Variants in GLP2R observed in about 807,000 individuals in gnomAD.
GLP2R encodes glucagon like peptide 2 receptor, also known as glucagon-like peptide 2 receptor.
Under a neutral mutation model 68.2 loss-of-function variants are expected in GLP2R, and 59 were observed. The observed-to-expected ratio is 0.87, with a 90% CI of 0.70 to 1.07. The LOEUF is 1.07. Among genes scored for constraint, GLP2R ranks in the 50% least tolerant of loss-of-function variants. GLP2R has a pLI of 0.00. For synonymous variants in GLP2R, 270 were observed against 265.4 expected (o/e 1.02, Z -0.17); for missense variants, 548 against 677.4 (o/e 0.81, Z 2.12).
intron 11 of GLP2R, among the ~76,000 whole-genome samples, chr17:9,885,963 G>A (rs1452618744): frequency 1.3e-5 from 2 of 152,104 alleles, no homozygotes; most frequent in African/African-American, 4.8e-5. Context: ...GACTCTGCAG[G>A]GTGTTTTGTA....
chr17:9,850,668 C>G (rs2066882676), intron 4 of GLP2R, among the ~76,000 whole-genome samples: 1 of 150,162 alleles, frequency 6.7e-6, no homozygotes, highest in Admixed American at 6.7e-5. Flanking sequence ...TAAGTGCTCC[C>G]TTACCCTACC....
At position 9,880,479 on chromosome 17, in the gene GLP2R, T is replaced by C. The variant is rs768609882; in HGVS notation, c.1247T>C (p.Ile416Thr). The C allele has an allele frequency of 2.5e-6, 4 of 1,606,326 alleles. No homozygotes were observed. The East Asian group carries it at 6.7e-5, about 27-fold the overall frequency. Residue 416 changes from isoleucine to threonine, a missense_variant, in exon 11 of 13, where the codon ATA becomes ACA. By Grantham distance (89) the Ile-to-Thr change is moderately conservative. Transcript: ENST00000262441. ...CAAGTTGAAGGATTTGCAAAACTTA[T>C]ACGACTTTTCATTCAGTTGACACTG... ...DDQVEGFAKL[I>T]RLFIQLTLSS...
rs61730821 is a variant in GLP2R, at chr17:9,857,575, A to C, written c.764A>C (p.Glu255Ala). The C allele has an allele frequency of 1.6e-3, 2,523 of 1,614,058 alleles. 42 individuals are homozygous for C. In the African/African-American group the frequency reaches 0.03, roughly 19 times the overall value. ...NENGWMSYLS[E>A]MSTSCRSVQV... ...AATGGGTGGATGTCCTACCTGTCAG[A>C]GGTAATCCCCTTCCCCACTGTTTAC... Residue 255 changes from glutamate (E) to alanine (A), a missense_variant and splice_region_variant, in exon 6 of 13, where the codon GAG becomes GCG. Physicochemically the swap from Glu to Ala is moderately radical, Grantham distance 107. Coordinates refer to ENST00000262441, the MANE Select transcript of GLP2R (RefSeq NM_004246.3).
At chr17:9,846,776 CA>C (rs1396309092) in intron 4 of GLP2R, among the ~76,000 whole-genome samples, 1 of 152,132 alleles carries the variant, frequency 6.6e-6, no homozygotes, top group Non-Finnish European at 1.5e-5. Context: ...GAATTTAACA[CA>C]AAACATTAAT....
At chr17:9,863,421 T>A (rs568255848) in intron 9 of GLP2R, among the ~76,000 whole-genome samples, 1 of 152,202 alleles carries the variant, frequency 6.6e-6, no homozygotes, top group African/African-American at 2.4e-5. Flanking sequence ...ATTACTTGCC[T>A]AAAATCATAG....
At chr17:9,850,079 C>T (rs1203771738) in intron 4 of GLP2R, among the ~76,000 whole-genome samples, 2 of 152,156 alleles carry the variant, frequency 1.3e-5, no homozygotes, top group Non-Finnish European at 2.9e-5. Context: ...CGGGGTTATA[C>T]ATTTGTCCTC....
At chr17:9,841,568 C>T (rs1284481796) in intron 3 of GLP2R, among the ~76,000 whole-genome samples, 1 of 151,810 alleles carries the variant, frequency 6.6e-6, no homozygotes, top group Non-Finnish European at 1.5e-5. Flanking sequence ...AAGTTTAGGG[C>T]CGGGGGATTG....
At chr17:9,888,750 A>C (rs1356277575) in intron 12 of GLP2R, among the ~76,000 whole-genome samples, 1 of 152,208 alleles carries the variant, frequency 6.6e-6, no homozygotes, top group Non-Finnish European at 1.5e-5. Context: ...TACAGGCATG[A>C]ACCATGAAGC....
intron 5 of GLP2R, among the ~76,000 whole-genome samples, chr17:9,854,989 CTT>C (rs762461985): frequency 3.3e-5 from 5 of 152,124 alleles, no homozygotes; most frequent in Non-Finnish European, 5.9e-5. Context: ...GATTTCATCA[CTT>C]TACTCAGAAC....
At position 9,859,990 on chromosome 17, in the gene GLP2R, G is replaced by C; in HGVS notation, c.814G>C (p.Gly272Arg). ...SVQVLLHYFV[G>R]ANYLWLLVEG... is the part of the protein sequence containing the mutation. ...CCAGGTTCTCTTGCATTACTTTGTGGGTGCCAATTACTTATGGCTGCTGGT... is the reference window on the plus strand; with the variant it reads ...CCAGGTTCTCTTGCATTACTTTGTGCGTGCCAATTACTTATGGCTGCTGGT... The change falls in exon 7 of 13, where the codon GGT (glycine) becomes CGT (arginine). Residue 272 changes from glycine to arginine, a missense_variant. Transcript: ENST00000262441. 2 of 1,613,222 alleles carry C rather than the reference G, an allele frequency of 1.2e-6. No individual in the cohort carries two copies. Among genetic ancestry groups the C allele is most frequent in the Non-Finnish European group, 1.7e-6 (2 of 1,179,886 alleles).
chr17:9,871,042 G>T (rs932339842), intron 10 of GLP2R, among the ~76,000 whole-genome samples: 4 of 152,136 alleles, frequency 2.6e-5, no homozygotes, highest in African/African-American at 9.7e-5. Context: ...GTAGTCAAGG[G>T]CATTCACATC....
At chr17:9,845,033 C>T (rs546317361) in intron 4 of GLP2R, among the ~76,000 whole-genome samples, 5 of 149,736 alleles carry the variant, frequency 3.3e-5, no homozygotes, top group African/African-American at 7.4e-5. Flanking sequence ...CTGCAAAACA[C>T]CCCCACTCTC....
intron 6 of GLP2R, 122 bp downstream of exon 6, chr17:9,857,698 T>G: frequency 1.1e-6 from 1 of 948,768 alleles, no homozygotes; most frequent in Non-Finnish European, 1.6e-6. Context: ...TCCAAGACTT[T>G]CTGGCTAGAG....
At chr17:9,842,992 C>T (rs1044581663) in intron 4 of GLP2R, among the ~76,000 whole-genome samples, 3 of 152,142 alleles carry the variant, frequency 2.0e-5, no homozygotes, top group African/African-American at 2.4e-5. Context: ...CCAGAGAGTG[C>T]CCTCTATGGT....
At chr17:9,883,841 T>C (rs757778122) in intron 11 of GLP2R, among the ~76,000 whole-genome samples, 18 of 152,302 alleles carry the variant, frequency 1.2e-4, no homozygotes, top group Middle Eastern at 3.4e-3. Flanking sequence ...CAAACACCCC[T>C]TTCAAGAAAT....
At position 9,861,126 on chromosome 17, in the gene GLP2R, G is replaced by T; in HGVS notation, c.926-13G>T. 1.3e-5 allele frequency: 21 copies of T among 1,612,532 alleles called. No homozygotes were observed. Among genetic ancestry groups the T allele is most frequent in the Non-Finnish European group, 1.8e-5 (21 of 1,178,800 alleles). ...CCAACTCCTAACTACATTTCCCTGTGTTTTCTCCCCAGCCTTCCCTGTGCT... is the reference window on the plus strand; with the variant it reads ...CCAACTCCTAACTACATTTCCCTGTTTTTTCTCCCCAGCCTTCCCTGTGCT... On this transcript the variant is annotated splice_polypyrimidine_tract_variant and intron_variant, in intron 7 of 12. Coordinates refer to ENST00000262441, the MANE Select transcript of GLP2R (RefSeq NM_004246.3).
At chr17:9,839,742 T>G (rs575865138) in intron 3 of GLP2R, among the ~76,000 whole-genome samples, 32 of 152,286 alleles carry the variant, frequency 2.1e-4, no homozygotes, top group African/African-American at 7.5e-4. Flanking sequence ...CTCCCCCACG[T>G]TCAGGGTTCC....
At chr17:9,836,968 G>A (rs576358374) in intron 3 of GLP2R, among the ~76,000 whole-genome samples, 2 of 152,122 alleles carry the variant, frequency 1.3e-5, no homozygotes, top group East Asian at 3.9e-4. Flanking sequence ...TCCTGCCTCA[G>A]CCTCCCGAGT....
intron 1 of GLP2R, among the ~76,000 whole-genome samples, chr17:9,832,626 G>T (rs1312641734): frequency 1.3e-5 from 2 of 152,266 alleles, no homozygotes; most frequent in Admixed American, 6.5e-5. Flanking sequence ...AGCTACTCAG[G>T]ATGCTGAGGT....
Sources: allele counts gnomAD v4.1 joint callset (sites outside exome capture counted in the v4.1 genomes callset), GRCh38; gene constraint gnomAD v4.1.1; transcripts MANE v1.5; gene names NCBI Gene and HGNC (gene_info 2026-07-23, HGNC 2026-07-21).